SLC35E3: variants seen among roughly 807,000 people sequenced by gnomAD.
SLC35E3 encodes bladder cancer-overexpressed gene 1 protein.
Under a neutral mutation model 30.8 loss-of-function variants are expected in SLC35E3, and 28 were observed. The observed-to-expected ratio is 0.91, with a 90% confidence interval of 0.67 to 1.25. The LOEUF (loss-of-function observed/expected upper bound fraction) is 1.25. Among genes scored for constraint, SLC35E3 ranks in the 50% most tolerant of loss-of-function variants. The probability of loss-of-function intolerance (pLI) is 0.00; values close to 1 mark genes in which losing one functional copy is unlikely to be tolerated. For missense variants in SLC35E3, 365 were observed against 375.4 expected, an observed-to-expected ratio of 0.97 and a Z score of 0.23; for synonymous variants, 146 against 149.2, an observed-to-expected ratio of 0.98 and a Z score of 0.16.
At position 68,752,092 on chromosome 12, in the gene SLC35E3, G is replaced by T. The variant is rs779453829; in HGVS notation, c.574G>T (p.Ala192Ser). Reference sequence around the variant, plus strand: ...CTCAATGCAGCTGCTGTACTACCAGGCTCCGATGTCATCTGCCATGTTGCT... The same window carrying T: ...CTCAATGCAGCTGCTGTACTACCAGTCTCCGATGTCATCTGCCATGTTGCT... ...VNSMQLLYYQ[A>S]PMSSAMLLVA... Residue 192 changes from alanine (A) to serine (S), a missense_variant, in exon 3 of 5, where the codon GCT becomes TCT. Physicochemically the swap from Ala to Ser is moderately conservative, Grantham distance 99 (BLOSUM62 1). Transcript: ENST00000398004. 6.2e-7 allele frequency: 1 copy of T among 1,613,584 alleles called. No homozygotes were observed. The highest frequency in any genetic ancestry group is 8.5e-7 in the Non-Finnish European group (1 of 1,179,896).
At position 68,766,189 on chromosome 12, in the gene SLC35E3, T is replaced by TA. The variant is rs1879407502; in HGVS notation, c.*1305dup. 6.6e-6 allele frequency: 1 copy of TA among 151,900 alleles called. No homozygotes were observed. Among genetic ancestry groups the TA allele is most frequent in the African/African-American group, 2.4e-5 (1 of 41,370 alleles). 9.4% of individuals were successfully genotyped at this position (151,900 alleles called of 1,614,324 possible). A position where few individuals can be genotyped will look rare whatever the true frequency, so the allele number is the denominator to read the frequency against. On this transcript the variant is annotated 3_prime_UTR_variant, in exon 5 of 5. Coordinates refer to ENST00000398004, the MANE Select transcript of SLC35E3 (RefSeq NM_018656.5). ...GTGAACTATAGAAACTATATGGAGT[T>TA]AAAAAACAAAACGGCAGCCAATCTC...
intron 3 of SLC35E3, among the ~76,000 whole-genome samples, chr12:68,756,601 A>G (rs1592539402): frequency 6.6e-6 from 1 of 152,344 alleles, no homozygotes; most frequent in African/African-American, 2.4e-5. Context: ...CGTATCAAAA[A>G]GATAATCCAC....
At chr12:68,763,734 G>T (rs1879298049) in intron 4 of SLC35E3, among the ~76,000 whole-genome samples, 1 of 152,182 alleles carries the variant, frequency 6.6e-6, no homozygotes, top group South Asian at 2.1e-4. Flanking sequence ...TATTTAGTTT[G>T]CTTTTTAAAT....
rs780362912 is a variant in SLC35E3, at chr12:68,766,738, A to G, written c.*1848A>G. On this transcript the variant is annotated 3_prime_UTR_variant, in exon 5 of 5. Coordinates refer to ENST00000398004, the MANE Select transcript of SLC35E3 (RefSeq NM_018656.5). ...TAGCTGGGACTACAGGTGCACACCAACATACCTGGCTGATTTTTATATTTT... is the reference window on the plus strand; with the variant it reads ...TAGCTGGGACTACAGGTGCACACCAGCATACCTGGCTGATTTTTATATTTT... 3.1e-5 allele frequency: 14 copies of G among 449,194 alleles called. 1 individual carries two copies. The highest frequency in any genetic ancestry group is 1.9e-4 in the South Asian group (12 of 63,220). The allele number at this position is 449,194 out of a possible 1,614,324, so 27.8% of individuals were successfully genotyped here.
At chr12:68,764,408 G>C (rs968499647) in intron 4 of SLC35E3, among the ~76,000 whole-genome samples, 7 of 152,106 alleles carry the variant, frequency 4.6e-5, no homozygotes, top group African/African-American at 1.7e-4. Context: ...CATGCCTCAG[G>C]CTCCCAAGTA....
In SLC35E3 at chr12:68,774,579, C is replaced by CAAA. The variant is rs67613806; in HGVS notation, c.*9700_*9702dup. 1.2e-4 allele frequency: 17 copies of CAAA among 143,470 alleles called. No homozygotes were observed. Among genetic ancestry groups the CAAA allele is most frequent in the Admixed American group, 1.4e-4 (2 of 14,212 alleles). The allele number at this position is 143,470 out of a possible 1,614,324, so 8.9% of individuals were successfully genotyped here. A position where few individuals can be genotyped will look rare whatever the true frequency, so the allele number is the denominator to read the frequency against. On this transcript the variant is annotated 3_prime_UTR_variant, in exon 5 of 5. Transcript: ENST00000398004. ...GGGCAACAAGAGTGAAACTCCATCT[C>CAAA]AAAAAAAAAAAAATTAGGTATATTG...
chr12:68,752,984 A>G (rs1878859503), intron 3 of SLC35E3, among the ~76,000 whole-genome samples: 1 of 152,192 alleles, frequency 6.6e-6, no homozygotes, highest in Admixed American at 6.5e-5. Context: ...CGTCTCTACT[A>G]AAAATACAAA....
chr12:68,755,897 A>G (rs763843076), intron 3 of SLC35E3, among the ~76,000 whole-genome samples: 2 of 152,174 alleles, frequency 1.3e-5, no homozygotes, highest in Non-Finnish European at 2.9e-5. Flanking sequence ...GGAGGGAACA[A>G]ACATCCAAAC....
chr12:68,746,176 G>C lies in SLC35E3; in HGVS notation c.-202G>C. ...AGCGGGGCGTGGGACGTGCTGCGGC[G>C]TCCTAGCTGGCTTACAGGGCGGCGG... is the stretch of plus-strand genomic sequence containing the variant. On this transcript the variant is annotated 5_prime_UTR_variant, in exon 1 of 5. Transcript: ENST00000398004. The C allele has an allele frequency of 2.1e-6, 1 of 482,124 alleles. No homozygotes were observed. The highest frequency in any genetic ancestry group is 3.6e-6 in the Non-Finnish European group (1 of 274,604). The allele number at this position is 482,124 out of a possible 1,614,324, so 29.9% of individuals were successfully genotyped here.
At chr12:68,753,614 G>T (rs1326937236) in intron 3 of SLC35E3, among the ~76,000 whole-genome samples, 1 of 152,018 alleles carries the variant, frequency 6.6e-6, no homozygotes, top group Non-Finnish European at 1.5e-5. Flanking sequence ...TATAATTTTA[G>T]ATATGGAATG....
intron 2 of SLC35E3, among the ~76,000 whole-genome samples, chr12:68,748,380 CATT>C (rs1427626619): frequency 6.6e-6 from 1 of 152,112 alleles, no homozygotes; most frequent in Non-Finnish European, 1.5e-5. Context: ...TTACTTTTAA[CATT>C]GTTGTGAAGG....
At position 68,779,970 on chromosome 12, in the gene SLC35E3, G is replaced by A. The variant is rs1879840295; in HGVS notation, c.*15080G>A. On this transcript the variant is annotated 3_prime_UTR_variant, in exon 5 of 5. Coordinates refer to ENST00000398004, the MANE Select transcript of SLC35E3 (RefSeq NM_018656.5). ...AAATTAAATTAAATTAAAAATAAGT[G>A]GATAAATATGGGTTATGCTGTGAAG... 6.6e-6 allele frequency: 1 copy of A among 151,914 alleles called. No homozygotes were observed. The highest frequency in any genetic ancestry group is 1.5e-5 in the Non-Finnish European group (1 of 68,014). 9.4% of individuals were successfully genotyped at this position (151,914 alleles called of 1,614,324 possible). A position where few individuals can be genotyped will look rare whatever the true frequency, so the allele number is the denominator to read the frequency against.
intron 4 of SLC35E3, chr12:68,759,949 A>T (rs918023947): frequency 1.3e-5 from 2 of 152,580 alleles, no homozygotes; most frequent in East Asian, 1.9e-4. Context: ...ATAACAAAAG[A>T]TAATTTCAGG....
At chr12:68,754,921 C>G (rs922043076) in intron 3 of SLC35E3, among the ~76,000 whole-genome samples, 1 of 152,152 alleles carries the variant, frequency 6.6e-6, no homozygotes, top group African/African-American at 2.4e-5. Context: ...ATGTCTTAGT[C>G]AGTTCAGGCT....
rs1878539304 is a variant in SLC35E3 at position 68,746,200 on chromosome 12, G to T, written c.-178G>T. The T allele has an allele frequency of 1.9e-6, 1 of 522,502 alleles. No homozygotes were observed. Among genetic ancestry groups the T allele is most frequent in the Non-Finnish European group, 3.3e-6 (1 of 303,574 alleles). The allele number at this position is 522,502 out of a possible 1,614,324, so 32.4% of individuals were successfully genotyped here. A position where few individuals can be genotyped will look rare whatever the true frequency, so the allele number is the denominator to read the frequency against. ...CGTCCTAGCTGGCTTACAGGGCGGC[G>T]GCGGGGTGTGTGTCCTCTGTTAAGA... is the stretch of plus-strand genomic sequence containing the variant. On this transcript the variant is annotated 5_prime_UTR_variant, in exon 1 of 5. Transcript: ENST00000398004.
At chr12:68,755,116 A>G (rs894913639) in intron 3 of SLC35E3, among the ~76,000 whole-genome samples, 4 of 152,206 alleles carry the variant, frequency 2.6e-5, no homozygotes, top group Non-Finnish European at 5.9e-5. Flanking sequence ...GAAGAGGAGA[A>G]GCAAGCTCTC....
chr12:68,758,442 G>C (rs1417376665), intron 3 of SLC35E3, among the ~76,000 whole-genome samples: 1 of 151,896 alleles, frequency 6.6e-6, no homozygotes, highest in Non-Finnish European at 1.5e-5. Flanking sequence ...AAAAGATCTC[G>C]AAGGAGGTAT....
chr12:68,761,070 T>TA (rs1162630512), intron 4 of SLC35E3, among the ~76,000 whole-genome samples: 2 of 151,948 alleles, frequency 1.3e-5, no homozygotes, highest in Non-Finnish European at 2.9e-5. Context: ...TGCGAGGCCG[T>TA]AAAAAAACCA....
At position 68,769,754 on chromosome 12, in the gene SLC35E3, T is replaced by TTA. The variant is rs1879553595; in HGVS notation, c.*4864_*4865insTA. 6.6e-6 allele frequency: 1 copy of TTA among 152,230 alleles called. No individual in the cohort carries two copies. The highest frequency in any genetic ancestry group is 2.1e-4 in the South Asian group (1 of 4,832). The allele number at this position is 152,230 out of a possible 1,614,324, so 9.4% of individuals were successfully genotyped here. ...ACTTAAACTGGATTATACCTGCTAA[T>TTA]ATCAGGAATATAATGATAATTGCAT... On this transcript the variant is annotated 3_prime_UTR_variant, in exon 5 of 5. Coordinates refer to ENST00000398004, the MANE Select transcript of SLC35E3 (RefSeq NM_018656.5).
Sources: allele counts gnomAD v4.1 joint callset (sites outside exome capture counted in the v4.1 genomes callset), GRCh38; gene constraint gnomAD v4.1.1; transcripts MANE v1.5; gene names NCBI Gene and HGNC (gene_info 2026-07-23, HGNC 2026-07-21).